PTDSS1: variants seen among roughly 807,000 people sequenced by gnomAD.
PTDSS1 encodes the protein phosphatidylserine synthase 1, also known as PSS-1.
In PTDSS1, 45 loss-of-function variants were observed where a neutral mutation model predicts 70.5. The observed-to-expected ratio is 0.64, with a 90% confidence interval of 0.50 to 0.82. The LOEUF is 0.82. PTDSS1 is among the 40% of genes least tolerant of loss of function. PTDSS1 has a pLI of 0.00. For synonymous variants in PTDSS1, 188 were observed against 203.8 expected (o/e 0.92, Z 0.66); for missense variants, 417 against 586.1 (o/e 0.71, Z 2.98).
At position 96,261,913 on chromosome 8, in the gene PTDSS1, C is replaced by G; in HGVS notation, c.-128C>G. 1 of 1,029,748 alleles carries G rather than the reference C, an allele frequency of 9.7e-7. No individual in the cohort carries two copies. Among genetic ancestry groups the G allele is most frequent in the Non-Finnish European group, 1.4e-6 (1 of 724,870 alleles). 63.8% of individuals were successfully genotyped at this position (1,029,748 alleles called of 1,614,324 possible). On this transcript the variant is annotated 5_prime_UTR_variant, in exon 1 of 13. Transcript: ENST00000517309. ...TCGCGCCTGTCCTTCCCTCTGCTCC[C>G]AGCCTTTGCTGGGCGCCAGACCCGG...
intron 2 of PTDSS1, among the ~76,000 whole-genome samples, chr8:96,278,803 C>T (rs769648684): frequency 1.3e-5 from 2 of 152,072 alleles, no homozygotes; most frequent in South Asian, 2.1e-4. Flanking sequence ...CACCTTACCA[C>T]GCCCCCAAAA....
intron 9 of PTDSS1, among the ~76,000 whole-genome samples, chr8:96,312,462 C>CT (rs1198340447): frequency 0.076 from 10,582 of 138,466 alleles, 779 homozygotes; most frequent in African/African-American, 0.2. Context: ...CTGTCTCTCT[C>CT]TTTTTTTTTT....
intron 9 of PTDSS1, among the ~76,000 whole-genome samples, chr8:96,317,715 A>G (rs6992547): frequency 0.35 from 53,355 of 151,816 alleles, 10,137 homozygotes; most frequent in Non-Finnish European, 0.43. Context: ...AGCCTGGGCA[A>G]TGGAGTCAGG....
intron 1 of PTDSS1, 81 bp from the exon 2 acceptor site, chr8:96,273,218 T>C (rs1810591076): frequency 9.8e-7 from 1 of 1,019,132 alleles, no homozygotes; most frequent in Admixed American, 2.9e-5. Flanking sequence ...CCCCAGTTTT[T>C]AGAACATGGA....
Position 96,284,168 on chromosome 8 carries a change from G to T in PTDSS1, c.316+15G>T, listed in dbSNP as rs199532040. On this transcript the variant is annotated intron_variant, in intron 3 of 12. Transcript: ENST00000517309. ...AATGGTTTTTGGTGAGTTTATATTA[G>T]CAATGTAAAAGGATGTTCTATTTTT... 3 of 1,591,660 alleles carry T rather than the reference G, an allele frequency of 1.9e-6. No homozygotes were observed. Among genetic ancestry groups the T allele is most frequent in the East Asian group, 4.5e-5 (2 of 44,700 alleles).
At chr8:96,268,890 C>T (rs1810523503) in intron 1 of PTDSS1, among the ~76,000 whole-genome samples, 1 of 152,160 alleles carries the variant, frequency 6.6e-6, no homozygotes, top group East Asian at 1.9e-4. Flanking sequence ...CCTCACGTTA[C>T]CTGAGTCACT....
intron 3 of PTDSS1, among the ~76,000 whole-genome samples, chr8:96,285,131 G>T (rs1449578915): frequency 6.6e-6 from 1 of 152,256 alleles, no homozygotes. Flanking sequence ...CAAGGGAGGT[G>T]ACAGGAGCTG....
At chr8:96,275,033 T>C (rs1002283912) in intron 2 of PTDSS1, among the ~76,000 whole-genome samples, 1 of 152,162 alleles carries the variant, frequency 6.6e-6, no homozygotes, top group Non-Finnish European at 1.5e-5. Context: ...GGCTTTTCCA[T>C]AGGGATTGAT....
rs34660364 is a variant in PTDSS1, at chr8:96,310,470, CTT to C, written c.1073+860_1073+861del. 7.7e-5 allele frequency among the ~76,000 whole-genome samples: 11 copies of C among 142,628 alleles called. No individual in the cohort carries two copies. The East Asian group carries it at 1.3e-3, about 16-fold the overall frequency. The allele number at this position is 142,628 out of a possible 152,430, so 93.6% of individuals were successfully genotyped here. A position where few individuals can be genotyped will look rare whatever the true frequency, so the allele number is the denominator to read the frequency against. On this transcript the variant is annotated intron_variant, in intron 9 of 12. Transcript: ENST00000517309. ...AGCCACCGCACCCGGCCTTGGCTCT[CTT>C]TTTTTTTTTTTAAATAAATTAGGAA...
chr8:96,281,728 C>A (rs956349672), intron 2 of PTDSS1, among the ~76,000 whole-genome samples: 5 of 152,180 alleles, frequency 3.3e-5, no homozygotes, highest in Admixed American at 1.3e-4. Context: ...CCTGAGCTGA[C>A]CCAGTTCTGT....
Position 96,334,076 on chromosome 8 carries a change from T to C in PTDSS1, c.*510T>C. On this transcript the variant is annotated 3_prime_UTR_variant, in exon 13 of 13. Coordinates refer to ENST00000517309, the MANE Select transcript of PTDSS1 (RefSeq NM_014754.3). ...ATTTGTTTTTAAGTTAGGATGCTTT[T>C]TAACAGCCTTTAGAAGCCGCTGCTG... The C allele has an allele frequency of 2.6e-6, 1 of 385,952 alleles. No individual in the cohort carries two copies. The highest frequency in any genetic ancestry group is 4.6e-6 in the Non-Finnish European group (1 of 216,572). 23.9% of individuals were successfully genotyped at this position (385,952 alleles called of 1,614,324 possible).
intron 3 of PTDSS1, 133 bp downstream of exon 3, chr8:96,284,286 A>G (rs924918945): frequency 2.7e-6 from 2 of 735,780 alleles, no homozygotes; most frequent in Non-Finnish European, 4.3e-6. Flanking sequence ...TGATGTTCCT[A>G]ATATACATGT....
Position 96,315,461 on chromosome 8 carries a change from A to C in PTDSS1, c.1074-4785A>C, listed in dbSNP as rs568321631. Among the ~76,000 whole-genome samples the C allele has an allele frequency of 3.9e-5, 6 of 152,106 alleles. No individual in the cohort carries two copies. In the South Asian group the frequency reaches 1.2e-3, roughly 32 times the overall value. On this transcript the variant is annotated intron_variant, in intron 9 of 12. Coordinates refer to ENST00000517309, the MANE Select transcript of PTDSS1 (RefSeq NM_014754.3). Reference sequence around the variant, plus strand: ...TTCTTCTGCTTCTCAAGTTTGGCTCATACACCCAGCTCACACACACGAGCC... The same window carrying C: ...TTCTTCTGCTTCTCAAGTTTGGCTCCTACACCCAGCTCACACACACGAGCC...
At chr8:96,278,119 G>T (rs1810675705) in intron 2 of PTDSS1, among the ~76,000 whole-genome samples, 1 of 152,218 alleles carries the variant, frequency 6.6e-6, no homozygotes, top group Admixed American at 6.5e-5. Context: ...ATGGCCAGCA[G>T]ATGAAGAGAT....
intron 9 of PTDSS1, among the ~76,000 whole-genome samples, chr8:96,319,654 C>G (rs1233291155): frequency 6.6e-5 from 10 of 152,148 alleles, no homozygotes; most frequent in Non-Finnish European, 2.9e-5. Context: ...GAAAGACTCT[C>G]TTGGAAGGGT....
At chr8:96,302,025 ATTTG>A (rs1482631944) in intron 6 of PTDSS1, among the ~76,000 whole-genome samples, 1 of 151,562 alleles carries the variant, frequency 6.6e-6, no homozygotes, top group Non-Finnish European at 1.5e-5. Context: ...ATTTTTATGT[ATTTG>A]TTTTTTTGAG....
intron 10 of PTDSS1, among the ~76,000 whole-genome samples, chr8:96,321,941 C>G (rs1296721910): frequency 1.3e-5 from 2 of 152,186 alleles, no homozygotes; most frequent in Non-Finnish European, 2.9e-5. Context: ...ATGTGTCAGA[C>G]ATGCCCAGAG....
At chr8:96,310,834 C>T (rs557725152) in intron 9 of PTDSS1, among the ~76,000 whole-genome samples, 8 of 151,818 alleles carry the variant, frequency 5.3e-5, no homozygotes, top group Admixed American at 3.3e-4. Flanking sequence ...GGCGTGATCT[C>T]GGCTCACTGC....
In PTDSS1 at chr8:96,295,121, G is replaced by T. The variant is rs761486366; in HGVS notation, c.465G>T (p.Val155=). The change falls in exon 5 of 13, where the codon GTG becomes GTT. Residue 155 remains valine (V), a synonymous_variant. Coordinates refer to ENST00000517309, the MANE Select transcript of PTDSS1 (RefSeq NM_014754.3). ...DVMEYAVNCH[V]ITWERIISHF... The stretch of plus-strand genomic sequence containing the variant: ...AGGAGTATGCTGTGAACTGCCATGT[G>T]ATCACCTGGGAGAGGATTATCAGCC... The T allele has an allele frequency of 1.9e-6, 3 of 1,613,778 alleles. No individual in the cohort carries two copies. The Admixed American group carries it at 5.0e-5, about 27-fold the overall frequency.
Sources: gnomAD v4.1 joint callset for allele counts (sites outside exome capture counted in the v4.1 genomes callset) on GRCh38, gnomAD v4.1.1 for gene constraint, MANE v1.5 for transcripts, NCBI Gene and HGNC (gene_info 2026-07-23, HGNC 2026-07-21) for gene names.